Variants in SETBP1 observed in about 807,000 individuals in gnomAD.
SETBP1 encodes SET binding protein 1, also known as SET-binding protein.
In SETBP1, 9 loss-of-function variants were observed where a neutral mutation model predicts 101.0. The observed-to-expected ratio is 0.09, with a 90% CI of 0.05 to 0.16. SETBP1 has a LOEUF of 0.16. Ranked by LOEUF, SETBP1 falls within the 10% of genes least tolerant of loss-of-function variation. SETBP1 has a pLI of 1.00. For synonymous variants in SETBP1, 818 were observed against 788.5 expected (o/e 1.04, Z -0.63); for missense variants, 1,858 against 2,033.8 (o/e 0.91, Z 1.66).
intron 4 of SETBP1, among the ~76,000 whole-genome samples, chr18:44,980,898 G>C (rs2072100367): frequency 6.6e-6 from 1 of 152,166 alleles, no homozygotes; most frequent in Non-Finnish European, 1.5e-5. Flanking sequence ...CAGGCTGTTG[G>C]TTTTGGCCTT....
Position 45,068,301 on chromosome 18 carries a change from G to A in SETBP1, c.*4603G>A, listed in dbSNP as rs910842710. ...TGAACATGGACTTGCTGTTATTTGA[G>A]GCGTAGATACATCTAGCATGCTTAC... On this transcript the variant is annotated 3_prime_UTR_variant, in exon 6 of 6. Coordinates refer to ENST00000649279, the MANE Select transcript of SETBP1 (RefSeq NM_015559.3). 6.6e-6 allele frequency: 1 copy of A among 151,954 alleles called. No individual in the cohort carries two copies. Among genetic ancestry groups the A allele is most frequent in the African/African-American group, 2.4e-5 (1 of 41,366 alleles). The allele number at this position is 151,954 out of a possible 1,614,324, so 9.4% of individuals were successfully genotyped here.
chr18:44,798,292 AG>A (rs1193280228), intron 2 of SETBP1, among the ~76,000 whole-genome samples: 1 of 152,228 alleles, frequency 6.6e-6, no homozygotes, highest in East Asian at 1.9e-4. Context: ...TAAAATCTGA[AG>A]ATCTCATAGA....
At chr18:44,965,697 A>G (rs958352513) in intron 4 of SETBP1, among the ~76,000 whole-genome samples, 1 of 152,214 alleles carries the variant, frequency 6.6e-6, no homozygotes, top group East Asian at 1.9e-4. Context: ...GTTTGCTCAC[A>G]TCGCTGAAAT....
chr18:44,866,967 T>C (rs965800970), intron 2 of SETBP1, among the ~76,000 whole-genome samples: 2 of 152,236 alleles, frequency 1.3e-5, no homozygotes, highest in Non-Finnish European at 1.5e-5. Context: ...CCATATCTCC[T>C]CAACAAATGG....
intron 2 of SETBP1, among the ~76,000 whole-genome samples, chr18:44,825,232 G>T (rs2072211631): frequency 1.3e-5 from 2 of 152,122 alleles, no homozygotes; most frequent in African/African-American, 4.8e-5. Context: ...AGCAATTAGG[G>T]GGAAAGCAAA....
intron 3 of SETBP1, among the ~76,000 whole-genome samples, chr18:44,895,054 C>T (rs1159872445): frequency 6.7e-6 from 1 of 148,402 alleles, no homozygotes; most frequent in Non-Finnish European, 1.5e-5. Flanking sequence ...TTCAAGGTTG[C>T]AGTGAGGTAT....
chr18:44,749,429 G>T (rs1182289028), intron 2 of SETBP1, among the ~76,000 whole-genome samples: 1 of 152,126 alleles, frequency 6.6e-6, no homozygotes, highest in Non-Finnish European at 1.5e-5. Flanking sequence ...CTCAAGTCTG[G>T]CTGCTTTCTG....
chr18:44,704,693 G>C (rs1358414438), intron 2 of SETBP1, among the ~76,000 whole-genome samples: 1 of 152,190 alleles, frequency 6.6e-6, no homozygotes. Context: ...AGGGTGAGAT[G>C]TAGAAACCTT....
At chr18:44,720,900 A>AC (rs1599031882) in intron 2 of SETBP1, among the ~76,000 whole-genome samples, 15 of 101,188 alleles carry the variant, frequency 1.5e-4, no homozygotes, top group African/African-American at 2.7e-4. Context: ...GGAGCCCTCC[A>AC]ACCCCCACCC....
intron 2 of SETBP1, among the ~76,000 whole-genome samples, chr18:44,801,923 G>A (rs946345560): frequency 6.6e-5 from 10 of 152,004 alleles, no homozygotes; most frequent in African/African-American, 2.4e-4. Flanking sequence ...TCTGGCCACT[G>A]GAAATGATCC....
chr18:45,015,032 G>A (rs992508271), intron 4 of SETBP1, among the ~76,000 whole-genome samples: 7 of 152,090 alleles, frequency 4.6e-5, no homozygotes, highest in African/African-American at 7.2e-5. Context: ...CCACATCAGG[G>A]GATTCCTGAT....
intron 2 of SETBP1, among the ~76,000 whole-genome samples, chr18:44,710,914 A>G (rs2069324697): frequency 6.6e-6 from 1 of 152,214 alleles, no homozygotes; most frequent in African/African-American, 2.4e-5. Flanking sequence ...ATCAGTGGCC[A>G]GAGGAAGAGG....
intron 2 of SETBP1, among the ~76,000 whole-genome samples, chr18:44,736,311 C>T (rs1199364432): frequency 6.6e-6 from 1 of 152,072 alleles, no homozygotes; most frequent in East Asian, 1.9e-4. Context: ...CCTGGGAGGT[C>T]GAGGCTGCAG....
At chr18:44,730,578 T>C (rs753728673) in intron 2 of SETBP1, among the ~76,000 whole-genome samples, 1 of 152,250 alleles carries the variant, frequency 6.6e-6, no homozygotes, top group Non-Finnish European at 1.5e-5. Flanking sequence ...GAGGCTCTCA[T>C]GTACCATTTT....
intron 2 of SETBP1, among the ~76,000 whole-genome samples, chr18:44,766,420 A>G (rs975763591): frequency 2.0e-5 from 3 of 152,256 alleles, no homozygotes; most frequent in Non-Finnish European, 2.9e-5. Context: ...ACTTGAGGAC[A>G]TTATATGAAG....
intron 3 of SETBP1, among the ~76,000 whole-genome samples, chr18:44,873,888 A>G (rs1033260411): frequency 6.6e-6 from 1 of 152,214 alleles, no homozygotes; most frequent in Non-Finnish European, 1.5e-5. Flanking sequence ...GTATACTGCT[A>G]AAAAAGCCCA....
At chr18:44,703,348 G>GTTTTTTTTTTT (rs531974601) in intron 2 of SETBP1, among the ~76,000 whole-genome samples, 6 of 51,444 alleles carry the variant, frequency 1.2e-4, no homozygotes, top group Admixed American at 2.7e-4. Flanking sequence ...TTACCATTAG[G>GTTTTTTTTTTT]TTTTTTTTTT....
At chr18:44,898,024 T>C (rs1241264862) in intron 3 of SETBP1, among the ~76,000 whole-genome samples, 1 of 152,144 alleles carries the variant, frequency 6.6e-6, no homozygotes, top group African/African-American at 2.4e-5. Flanking sequence ...TGGTAATTGT[T>C]GTGATAGTGC....
At chr18:44,788,900 T>C (rs2071308389) in intron 2 of SETBP1, among the ~76,000 whole-genome samples, 2 of 147,656 alleles carry the variant, frequency 1.4e-5, no homozygotes, top group Non-Finnish European at 3.0e-5. Context: ...TGGGCTCAGG[T>C]GATCCTCCCA....
Sources: gnomAD v4.1 joint callset for allele counts (sites outside exome capture counted in the v4.1 genomes callset) on GRCh38, gnomAD v4.1.1 for gene constraint, MANE v1.5 for transcripts, NCBI Gene and HGNC (gene_info 2026-07-23, HGNC 2026-07-21) for gene names.